The following NBPF3 variants were observed in gnomAD, a reference collection of about 807,000 sequenced individuals.
The protein encoded by NBPF3 is NBPF family member NBPF3.
A neutral mutation model predicts 78.1 loss-of-function variants in NBPF3; 57 were observed. The ratio of observed to expected loss-of-function variants is 0.73; its 90% CI spans 0.59 to 0.91. The LOEUF is 0.91. Among genes scored for constraint, NBPF3 ranks in the 40% least tolerant of loss-of-function variants. The probability of loss-of-function intolerance (pLI) is 0.00; values close to 1 mark genes in which losing one functional copy is unlikely to be tolerated. For synonymous variants in NBPF3, 182 were observed against 271.7 expected (o/e 0.67, Z 3.25); for missense variants, 510 against 715.3 (o/e 0.71, Z 3.27).
At position 21,445,139 on chromosome 1, in the gene NBPF3, A is replaced by G. The variant is rs563862658; in HGVS notation, c.53A>G (p.Asp18Gly). ...QGFQWTLRGP[D>G]VETSPFGAPR... ...TTCCAGTGGACTCTCCGAGGCCCTG[A>G]TGTAGAAACTTCCCCATTCGGTGCA... is the stretch of plus-strand genomic sequence containing the variant. The change falls in exon 2 of 15, where the codon GAT becomes GGT. Residue 18 changes from aspartate to glycine, a missense_variant. Physicochemically the swap from Asp to Gly is moderately conservative, Grantham distance 94. Around this residue, in one of 5 missense-constraint regions of NBPF3, gnomAD observed 440 missense variants for 478.2 expected, o/e 0.92. Transcript: ENST00000318249. The G allele has an allele frequency of 6.2e-7, 1 of 1,611,886 alleles. No homozygotes were observed. Among genetic ancestry groups the G allele is most frequent in the African/African-American group, 1.3e-5 (1 of 74,924 alleles).
intron 2 of NBPF3, among the ~76,000 whole-genome samples, chr1:21,455,792 C>T (rs969253690): frequency 6.6e-6 from 1 of 152,196 alleles, no homozygotes. Flanking sequence ...TGGACTGTAC[C>T]TGCACAAGGA....
At chr1:21,439,171 C>T (rs1640498289), upstream of NBPF3, among the ~76,000 whole-genome samples, 4 of 152,108 alleles carry the variant, frequency 2.6e-5, no homozygotes, top group African/African-American at 4.8e-5. Context: ...CCTAGCTACT[C>T]GGGAGGCTGG....
At chr1:21,471,819 C>T in intron 5 of NBPF3, 36 bp downstream of exon 5, 1 of 1,609,452 alleles carries the variant, frequency 6.2e-7, no homozygotes, top group Non-Finnish European at 8.5e-7. Flanking sequence ...CCCAAAACCC[C>T]AGGCTTATGA....
rs558616156 is a variant in NBPF3 at position 21,482,402 on chromosome 1, C to T, written c.1607-82C>T. The T allele has an allele frequency of 4.9e-4, 65 of 131,682 alleles. 1 individual carries two copies. The highest frequency in any genetic ancestry group is 3.5e-3 in the African/African-American group (65 of 18,454). The allele number at this position is 131,682 out of a possible 1,614,324, so 8.2% of individuals were successfully genotyped here. A position where few individuals can be genotyped will look rare whatever the true frequency, so the allele number is the denominator to read the frequency against. ...TCTTATGCTGAGGAGCCTGAGGTCC[C>T]TGTGTGAGGATTAGACAGTGGAATG... On this transcript the variant is annotated intron_variant, in intron 13 of 14. Coordinates refer to ENST00000318249, the MANE Select transcript of NBPF3 (RefSeq NM_032264.6).
rs999512736 is a variant in NBPF3 at position 21,476,715 on chromosome 1, T to C, written c.993-1429T>C. Among the ~76,000 whole-genome samples, 3 of 152,224 alleles carry C rather than the reference T, an allele frequency of 2.0e-5. No individual in the cohort carries two copies. Among genetic ancestry groups the C allele is most frequent in the Non-Finnish European group, 4.4e-5 (3 of 68,038 alleles). Reference sequence around the variant, plus strand: ...CTCTCTGGCTGCCCTTAACATTTTTTCCTTCTTTCAACCTTGGTGAATCTG... The same window carrying C: ...CTCTCTGGCTGCCCTTAACATTTTTCCCTTCTTTCAACCTTGGTGAATCTG... On this transcript the variant is annotated intron_variant, in intron 8 of 14. Coordinates refer to ENST00000318249, the MANE Select transcript of NBPF3 (RefSeq NM_032264.6). This position sits in a 1 kb window ranked among gnomAD's most constrained non-coding sequence, Gnocchi z 4.1.
intron 14 of NBPF3, among the ~76,000 whole-genome samples, chr1:21,482,917 T>TTCTC (rs1304002561): frequency 3.4e-5 from 2 of 58,116 alleles, no homozygotes; most frequent in African/African-American, 9.8e-5. Context: ...TGAGCTCACT[T>TTCTC]TCTCTCTCTC....
At chr1:21,467,424 G>A (rs1438694537) in intron 2 of NBPF3, 17 of 963,270 alleles carry the variant, frequency 1.8e-5, no homozygotes, top group Non-Finnish European at 2.1e-5. Flanking sequence ...TGGTTCAGGG[G>A]ATCACTCTTT....
intron 2 of NBPF3, among the ~76,000 whole-genome samples, chr1:21,462,319 T>A (rs1641996382): frequency 6.6e-6 from 1 of 152,258 alleles, no homozygotes; most frequent in Non-Finnish European, 1.5e-5. Flanking sequence ...ATCAGAACTC[T>A]GTGGCATGGG....
intron 2 of NBPF3, among the ~76,000 whole-genome samples, chr1:21,450,185 T>C (rs1238531873): frequency 6.6e-6 from 1 of 152,228 alleles, no homozygotes; most frequent in Admixed American, 6.5e-5. Context: ...AAGCTATTTT[T>C]CCAAGTTCAC....
chr1:21,478,443 T>C, intron 9 of NBPF3, 136 bp downstream of exon 9: 2 of 1,063,842 alleles, frequency 1.9e-6, no homozygotes, highest in Non-Finnish European at 1.5e-6. Flanking sequence ...AATGTAGATT[T>C]CAATCACTCT....
At chr1:21,474,129 C>G (rs760538046) in intron 7 of NBPF3, among the ~76,000 whole-genome samples, 9 of 152,158 alleles carry the variant, frequency 5.9e-5, no homozygotes, top group Non-Finnish European at 1.0e-4. Flanking sequence ...GTTCTCCACC[C>G]CATCAATGCA....
rs765467481 is a variant in NBPF3, at chr1:21,480,429, C to T, written c.1381+206C>T. On this transcript the variant is annotated intron_variant, in intron 11 of 14. Transcript: ENST00000318249. ...CAGTGAGCATGGCTCTATTCCTAGT[C>T]TCCAGCCATGCCTGTGGCAACCTGA... is the stretch of plus-strand genomic sequence containing the variant. 2.6e-4 allele frequency among the ~76,000 whole-genome samples: 30 copies of T among 113,302 alleles called. 5 individuals carry two copies. Among genetic ancestry groups the T allele is most frequent in the Non-Finnish European group, 6.1e-4 (28 of 45,872 alleles). 74.3% of individuals were successfully genotyped at this position (113,302 alleles called of 152,430 possible).
intron 8 of NBPF3, among the ~76,000 whole-genome samples, chr1:21,475,189 T>C (rs932692236): frequency 2.0e-5 from 3 of 152,052 alleles, no homozygotes; most frequent in African/African-American, 4.8e-5. Flanking sequence ...CAGGGATTTC[T>C]TGTTGATCTT....
At chr1:21,473,737 CAT>C (rs1173371557) in intron 7 of NBPF3, 152 bp downstream of exon 7, 2 of 719,360 alleles carry the variant, frequency 2.8e-6, no homozygotes, top group Non-Finnish European at 4.7e-6. Flanking sequence ...CTTCTCAGCT[CAT>C]GTCATGCCTT....
intron 2 of NBPF3, chr1:21,446,032 C>G (rs535956056): frequency 2.9e-3 from 447 of 152,516 alleles, no homozygotes; most frequent in Middle Eastern, 0.01. Flanking sequence ...TGTGGTCGCC[C>G]ACAGGTCCTG....
intron 2 of NBPF3, among the ~76,000 whole-genome samples, chr1:21,467,735 T>C (rs530638772): frequency 6.6e-6 from 1 of 152,314 alleles, no homozygotes; most frequent in South Asian, 2.1e-4. Context: ...ATATAAATGA[T>C]TTTGGTCACT....
rs1307878131 is a variant in NBPF3 at position 21,445,233 on chromosome 1, G to A, written c.133+14G>A. 1.2e-6 allele frequency: 2 copies of A among 1,610,260 alleles called. No homozygotes were observed. Among genetic ancestry groups the A allele is most frequent in the South Asian group, 2.2e-5 (2 of 90,894 alleles). ...GAGATCCAACAGGTAAAAATCCCGA[G>A]GCATTGCCAGCTCGGTGGGGTCAGA... is the stretch of plus-strand genomic sequence containing the variant. On this transcript the variant is annotated intron_variant, in intron 2 of 14. Transcript: ENST00000318249.
intron 6 of NBPF3, 150 bp from the exon 7 acceptor site, chr1:21,473,230 A>T: frequency 9.1e-6 from 9 of 990,054 alleles, no homozygotes; most frequent in Non-Finnish European, 3.2e-6. Flanking sequence ...CAGAGAGAAG[A>T]GGATTGCCTG....
At chr1:21,457,072 A>G (rs1161693931) in intron 2 of NBPF3, among the ~76,000 whole-genome samples, 2 of 152,180 alleles carry the variant, frequency 1.3e-5, no homozygotes, top group African/African-American at 4.8e-5. Flanking sequence ...AGCAATGAGC[A>G]TTTGGAAAAT....
Sources: allele counts gnomAD v4.1 joint callset (sites outside exome capture counted in the v4.1 genomes callset), GRCh38; gene constraint gnomAD v4.1.1; regional missense constraint gnomAD v4.1.1; non-coding constraint Gnocchi (gnomAD v3.1); transcripts MANE v1.5; gene names NCBI Gene and HGNC (gene_info 2026-07-23, HGNC 2026-07-21).